MUC5AC: variants seen among roughly 807,000 people sequenced by gnomAD.
MUC5AC encodes mucin 5AC, oligomeric mucus/gel-forming, also known as mucin-5AC.
MUC5AC carries 158 observed loss-of-function variants against 169.7 expected under a neutral mutation model. The ratio of observed to expected loss-of-function variants is 0.93; its 90% CI spans 0.82 to 1.06. The LOEUF is 1.06. Among genes scored for constraint, MUC5AC ranks in the 50% least tolerant of loss-of-function variants. The pLI, the probability that MUC5AC is intolerant of heterozygous loss-of-function variation, is 0.00. For missense variants in MUC5AC, 4,359 were observed against 3,089.9 expected, an observed-to-expected ratio of 1.41 and a Z score of -9.74; for synonymous variants, 1,975 against 1,237.0, an observed-to-expected ratio of 1.60 and a Z score of -12.52.
At chr11:1,171,892 C>T (rs1198460503) in intron 15 of MUC5AC, among the ~76,000 whole-genome samples, 6 of 116,330 alleles carry the variant, frequency 5.2e-5, no homozygotes, top group South Asian at 2.9e-4. Flanking sequence ...CTCACCCACT[C>T]GCTCACCCAT....
chr11:1,200,568 G>A lies in MUC5AC; in HGVS notation c.16831G>A (p.Glu5611Lys), dbSNP rs1202907773. 2 of 764,534 alleles carry A rather than the reference G, an allele frequency of 2.6e-6. No individual in the cohort carries two copies. Among genetic ancestry groups the A allele is most frequent in the Admixed American group, 1.7e-5 (1 of 58,962 alleles). The allele number at this position is 764,534 out of a possible 1,614,324, so 47.4% of individuals were successfully genotyped here. A position where few individuals can be genotyped will look rare whatever the true frequency, so the allele number is the denominator to read the frequency against. The change falls in exon 49 of 49, where the codon GAG becomes AAG. Residue 5611 changes from glutamate (E) to lysine (K), a missense_variant. Coordinates refer to ENST00000621226, the MANE Select transcript of MUC5AC (RefSeq NM_001304359.2). The stretch of plus-strand genomic sequence containing the variant: ...GGCCTTCAGCTACACCGAGGTGGAA[G>A]AGTGCGGCTGCATGGGCCGGCGGTG... ...SRAFSYTEVE[E>K]CGCMGRRCPA...
chr11:1,197,288 A>T (rs927685903), intron 40 of MUC5AC, among the ~76,000 whole-genome samples, 180 bp from the exon 41 acceptor site: 1 of 152,020 alleles, frequency 6.6e-6, no homozygotes, highest in Non-Finnish European at 1.5e-5. Flanking sequence ...CACCTTGCAG[A>T]GCTTTGTGCC....
At chr11:1,193,326 T>C (rs576673478) in intron 32 of MUC5AC, among the ~76,000 whole-genome samples, 159 bp from the exon 33 acceptor site, 1 of 152,070 alleles carries the variant, frequency 6.6e-6, no homozygotes, top group African/African-American at 2.4e-5. Context: ...GCCAGCTCGG[T>C]GTCTGGGGTG....
chr11:1,198,644 A>G (rs1590155094), intron 43 of MUC5AC, among the ~76,000 whole-genome samples: 1 of 152,180 alleles, frequency 6.6e-6, no homozygotes, highest in East Asian at 1.9e-4. Context: ...TGGGCACCCC[A>G]TCCAAGGGGG....
At chr11:1,199,544 T>C (rs758333002) in intron 46 of MUC5AC, 54 bp downstream of exon 46, 33 of 699,218 alleles carry the variant, frequency 4.7e-5, no homozygotes, top group Non-Finnish European at 8.4e-5. Flanking sequence ...CTAGATGGGT[T>C]TGGGGGGCTG....
chr11:1,178,413 C>T (rs1860737267), intron 24 of MUC5AC, 31 bp from the exon 25 acceptor site: 2 of 496,670 alleles, frequency 4.0e-6, no homozygotes, highest in African/African-American at 2.0e-5. Context: ...GTTTGCTGCA[C>T]CCACCTCCAC....
Position 1,194,123 on chromosome 11 carries a change from C to T in MUC5AC, c.14769C>T (p.Gly4923=). ...GGGGCCTGGCAGGTGTGTGCAGCGG[C>T]TGGGGTGACCCCCACTACATCACCT... ...HHYQCQCVCS[G]WGDPHYITFD... Residue 4923 remains glycine, a synonymous_variant, in exon 34 of 49, where the codon GGC becomes GGT. Transcript: ENST00000621226. 1.3e-6 allele frequency: 1 copy of T among 764,962 alleles called. No individual in the cohort carries two copies. The highest frequency in any genetic ancestry group is 2.4e-6 in the Non-Finnish European group (1 of 417,796). The allele number at this position is 764,962 out of a possible 1,614,324, so 47.4% of individuals were successfully genotyped here. A position where few individuals can be genotyped will look rare whatever the true frequency, so the allele number is the denominator to read the frequency against.
rs1329177210 is a variant in MUC5AC at position 1,185,000 on chromosome 11, C to T, written c.6855C>T (p.Thr2285=). The T allele has an allele frequency of 3.1e-5, 21 of 686,104 alleles. No individual in the cohort carries two copies. Among genetic ancestry groups the T allele is most frequent in the Non-Finnish European group, 5.1e-5 (19 of 376,204 alleles). 42.5% of individuals were successfully genotyped at this position (686,104 alleles called of 1,614,324 possible). Residue 2285 remains threonine (T), a synonymous_variant, in exon 31 of 49, where the codon ACC becomes ACT. Transcript: ENST00000621226. The part of the protein sequence containing the change: ...STTSAPTART[T]SAPTTRTTSA... ...CCTCTGCTCCTACAGCCAGAACAAC[C>T]TCTGCTCCTACAACCAGAACAACCT...
In MUC5AC at chr11:1,188,245, C is replaced by T. The variant is rs1590146716; in HGVS notation, c.10100C>T (p.Thr3367Ile). The T allele has an allele frequency of 7.2e-6, 5 of 698,654 alleles. No individual in the cohort carries two copies. The South Asian group carries it at 7.5e-5, about 10-fold the overall frequency. 43.3% of individuals were successfully genotyped at this position (698,654 alleles called of 1,614,324 possible). Residue 3367 changes from threonine to isoleucine, a missense_variant, in exon 31 of 49, where the codon ACC becomes ATC. Transcript: ENST00000621226. ...RTTTLVTTST[T>I]STPQTSTTSA... ...ACCACTTTGGTGACAACCAGCACAA[C>T]CTCCACTCCACAGACCAGCACAACC... is the stretch of plus-strand genomic sequence containing the variant.
rs989832601 is a variant in MUC5AC, at chr11:1,177,362, G to T, written c.2907+18G>T. 20 of 429,852 alleles carry T rather than the reference G, an allele frequency of 4.7e-5. No individual in the cohort carries two copies. Among genetic ancestry groups the T allele is most frequent in the Non-Finnish European group, 7.4e-5 (18 of 242,928 alleles). The allele number at this position is 429,852 out of a possible 1,614,324, so 26.6% of individuals were successfully genotyped here. On this transcript the variant is annotated intron_variant, in intron 23 of 48. Transcript: ENST00000621226. ...TCCTGGGGGTGAGCGAGGCTGGGTG[G>T]TCGCATGCCCTCCAGGAGGCTCCCA...
rs763323064 is a variant in MUC5AC at position 1,196,437 on chromosome 11, C to A, written c.15687C>A (p.Asn5229Lys). 2.6e-6 allele frequency: 2 copies of A among 765,048 alleles called. No individual in the cohort carries two copies. The highest frequency in any genetic ancestry group is 4.8e-6 in the Non-Finnish European group (2 of 417,822). 47.4% of individuals were successfully genotyped at this position (765,048 alleles called of 1,614,324 possible). The change falls in exon 38 of 49, where the codon AAC becomes AAA. Residue 5229 changes from asparagine (N) to lysine (K), a missense_variant. By Grantham distance (94) the Asn-to-Lys change is moderately conservative. Coordinates refer to ENST00000621226, the MANE Select transcript of MUC5AC (RefSeq NM_001304359.2). ...TGTACCAGCCCTGCGGCCCGAGCAA[C>A]CCCTCCTACTGCTACGGGAATGACA... is the stretch of plus-strand genomic sequence containing the variant. ...DKVYQPCGPS[N>K]PSYCYGNDSA...
At position 1,172,706 on chromosome 11, in the gene MUC5AC, C is replaced by T. The variant is rs900772877; in HGVS notation, c.1965+183C>T. ...GCTCCATTCCCCACATCCCCACCCA[C>T]CCATTCACTCATTCACACATTCACC... On this transcript the variant is annotated intron_variant, in intron 16 of 48. Transcript: ENST00000621226. Among the ~76,000 whole-genome samples, 360 of 152,202 alleles carry T rather than the reference C, an allele frequency of 2.4e-3. 2 individuals carry two copies. Among genetic ancestry groups the T allele is most frequent in the African/African-American group, 8.5e-3 (355 of 41,528 alleles).
At position 1,189,883 on chromosome 11, in the gene MUC5AC, C is replaced by T; in HGVS notation, c.11738C>T (p.Ser3913Phe). The change falls in exon 31 of 49, where the codon TCC (serine) becomes TTC (phenylalanine). Residue 3913 changes from serine (S) to phenylalanine (F), a missense_variant. Ser to Phe is a radical substitution (Grantham distance 155). Transcript: ENST00000621226. Reference protein sequence around the residue: ...KTSAATSSTTSGSGTTPSPVP... With the variant: ...KTSAATSSTTFGSGTTPSPVP... Reference sequence around the variant, plus strand: ...TCAGCTGCTACAAGCAGCACAACCTCCGGTTCTGGAACTACTCCCAGCCCC... The same window carrying T: ...TCAGCTGCTACAAGCAGCACAACCTTCGGTTCTGGAACTACTCCCAGCCCC... 1.3e-6 allele frequency: 1 copy of T among 765,018 alleles called. No individual in the cohort carries two copies. Among genetic ancestry groups the T allele is most frequent in the South Asian group, 1.3e-5 (1 of 74,600 alleles). 47.4% of individuals were successfully genotyped at this position (765,018 alleles called of 1,614,324 possible).
chr11:1,163,964 AC>A lies in MUC5AC; in HGVS notation c.767del (p.Pro256ArgfsTer205). Reference protein sequence around the residue: ...TDQCQDPVPEPPRNCSTGFGI... With the variant: ...TDQCQDPVPEXPRNCSTGFGI... ...ACCAGTGTCAGGACCCTGTCCCTGA[AC>A]CCCCGAGGAACTGCTCCACTGGCTT... is the stretch of plus-strand genomic sequence containing the variant. On this transcript the variant is annotated frameshift_variant, in exon 7 of 49. Transcript: ENST00000621226. LOFTEE classifies it high-confidence loss of function. 1 of 1,610,972 alleles carries A rather than the reference AC, an allele frequency of 6.2e-7. No individual in the cohort carries two copies. The highest frequency in any genetic ancestry group is 8.5e-7 in the Non-Finnish European group (1 of 1,179,202).
chr11:1,193,473 G>A lies in MUC5AC; in HGVS notation c.14581-12G>A. 1.4e-6 allele frequency: 1 copy of A among 719,420 alleles called. No homozygotes were observed. Among genetic ancestry groups the A allele is most frequent in the South Asian group, 1.4e-5 (1 of 68,998 alleles). The allele number at this position is 719,420 out of a possible 1,614,324, so 44.6% of individuals were successfully genotyped here. The stretch of plus-strand genomic sequence containing the variant: ...GAGAGGCCGGACCCTGCAGGTCTCT[G>A]TGCTTCTGCAGAAAGGTGAGACCTG... On this transcript the variant is annotated splice_polypyrimidine_tract_variant and intron_variant, in intron 32 of 48. Coordinates refer to ENST00000621226, the MANE Select transcript of MUC5AC (RefSeq NM_001304359.2).
intron 15 of MUC5AC, among the ~76,000 whole-genome samples, chr11:1,169,391 C>T (rs1341605454): frequency 7.7e-5 from 11 of 142,514 alleles, no homozygotes; most frequent in African/African-American, 1.6e-4. Context: ...CCACCTCACT[C>T]GCCGACTCAA....
In MUC5AC at chr11:1,191,938, C is replaced by A. The variant is rs757454001; in HGVS notation, c.13793C>A (p.Thr4598Asn). Residue 4598 changes from threonine (T) to asparagine (N), a missense_variant, in exon 31 of 49, where the codon ACC becomes AAC. Thr to Asn is a moderately conservative substitution (Grantham distance 65). Coordinates refer to ENST00000621226, the MANE Select transcript of MUC5AC (RefSeq NM_001304359.2). ...GGAACTACTCCCAGCCCCGTTCCCA[C>A]CACCAGCACAACCCCTGTTTCAAAG... Reference protein sequence around the residue: ...GPGTTPSPVPTTSTTPVSKTS... With the variant: ...GPGTTPSPVPNTSTTPVSKTS... 1.3e-6 allele frequency: 1 copy of A among 765,282 alleles called. No homozygotes were observed. Among genetic ancestry groups the A allele is most frequent in the Admixed American group, 1.7e-5 (1 of 59,040 alleles). 47.4% of individuals were successfully genotyped at this position (765,282 alleles called of 1,614,324 possible).
chr11:1,185,552 T>G lies in MUC5AC; in HGVS notation c.7407T>G (p.Thr2469=), dbSNP rs1190081430. Reference sequence around the variant, plus strand: ...CCTCTGCCCCTACAACAAGAACAACTTCTGCTCCTAAAAGCAGCACAACCT... The same window carrying G: ...CCTCTGCCCCTACAACAAGAACAACGTCTGCTCCTAAAAGCAGCACAACCT... The part of the protein sequence containing the change: ...STTSAPTTRT[T]SAPKSSTTSA... The change falls in exon 31 of 49, where the codon ACT becomes ACG. Residue 2469 remains threonine, a synonymous_variant. Coordinates refer to ENST00000621226, the MANE Select transcript of MUC5AC (RefSeq NM_001304359.2). 11 of 644,464 alleles carry G rather than the reference T, an allele frequency of 1.7e-5. No individual in the cohort carries two copies. The East Asian group carries it at 3.3e-4, about 19-fold the overall frequency. 39.9% of individuals were successfully genotyped at this position (644,464 alleles called of 1,614,324 possible).
At chr11:1,162,272 G>GGGCTTCCTGAGA in intron 4 of MUC5AC, 104 bp downstream of exon 4, 1 of 1,491,886 alleles carries the variant, frequency 6.7e-7, no homozygotes, top group Non-Finnish European at 8.9e-7. Flanking sequence ...GATTTCTCAG[G>GGGCTTCCTGAGA]AAGCCCCTGA....
Sources: gnomAD v4.1 joint callset for allele counts (sites outside exome capture counted in the v4.1 genomes callset) on GRCh38, gnomAD v4.1.1 for gene constraint, MANE v1.5 for transcripts, NCBI Gene and HGNC (gene_info 2026-07-23, HGNC 2026-07-21) for gene names.